Variants in NELL2 observed in about 807,000 individuals in gnomAD.
NELL2 encodes the protein protein kinase C-binding protein NELL2.
NELL2 carries 41 observed loss-of-function variants against 109.6 expected under a neutral mutation model. The observed-to-expected ratio is 0.37, with a 90% CI of 0.29 to 0.49. The LOEUF (loss-of-function observed/expected upper bound fraction) is 0.49, where lower values mean the gene tolerates loss of function less well. NELL2 is among the 20% of genes least tolerant of loss of function. The pLI is 0.98. For missense variants in NELL2, 900 were observed against 1,008.3 expected, an observed-to-expected ratio of 0.89 and a Z score of 1.45; for synonymous variants, 355 against 344.7, an observed-to-expected ratio of 1.03 and a Z score of -0.33.
intron 9 of NELL2, among the ~76,000 whole-genome samples, chr12:44,759,013 T>A (rs992099353): frequency 3.0e-4 from 46 of 152,164 alleles, no homozygotes; most frequent in Non-Finnish European, 4.4e-4. Context: ...TGATATTACC[T>A]GAAAATGCAT....
intron 12 of NELL2, among the ~76,000 whole-genome samples, chr12:44,681,418 T>TTTA (rs1421123391): frequency 2.0e-5 from 3 of 150,224 alleles, no homozygotes; most frequent in East Asian, 3.9e-4. Flanking sequence ...TTTTATTTTA[T>TTTA]TTATTATTAT....
chr12:44,698,380 T>C (rs1443377417), intron 12 of NELL2, among the ~76,000 whole-genome samples: 1 of 150,728 alleles, frequency 6.6e-6, no homozygotes, highest in Non-Finnish European at 1.5e-5. Flanking sequence ...CCAGGTGACA[T>C]ACAGCCCTGG....
chr12:44,784,967 G>T (rs762931080), intron 3 of NELL2, among the ~76,000 whole-genome samples: 27 of 152,070 alleles, frequency 1.8e-4, no homozygotes, highest in Admixed American at 8.5e-4. Context: ...TTTGAAAACC[G>T]GCACAAGACA....
chr12:44,634,110 G>A (rs1413713229), intron 13 of NELL2, among the ~76,000 whole-genome samples: 1 of 151,968 alleles, frequency 6.6e-6, no homozygotes, highest in Non-Finnish European at 1.5e-5. Context: ...AAATTGTAAA[G>A]GATTTTACAA....
upstream of NELL2, among the ~76,000 whole-genome samples, chr12:44,878,023 G>T (rs149832143): frequency 2.6e-5 from 4 of 152,156 alleles, no homozygotes; most frequent in South Asian, 8.3e-4. Context: ...TTTAAATAAC[G>T]TAGCATTTAA....
At chr12:44,863,594 T>C (rs1333576773) in intron 2 of NELL2, among the ~76,000 whole-genome samples, 1 of 152,090 alleles carries the variant, frequency 6.6e-6, no homozygotes, top group Admixed American at 6.5e-5. Flanking sequence ...GATAAAGACT[T>C]TACCAGACAA....
At chr12:44,790,719 C>T (rs548609391) in intron 3 of NELL2, among the ~76,000 whole-genome samples, 6 of 151,754 alleles carry the variant, frequency 4.0e-5, no homozygotes, top group African/African-American at 1.4e-4. Flanking sequence ...GATACAGAAC[C>T]GTAGAATGGA....
intron 13 of NELL2, among the ~76,000 whole-genome samples, chr12:44,657,867 T>C (rs753260037): frequency 3.3e-5 from 5 of 152,248 alleles, no homozygotes; most frequent in South Asian, 2.1e-4. Flanking sequence ...ATTTTCTTTA[T>C]CCAGTCTATC....
At chr12:44,688,125 G>A (rs190833952) in intron 12 of NELL2, among the ~76,000 whole-genome samples, 177 of 152,206 alleles carry the variant, frequency 1.2e-3, no homozygotes, top group African/African-American at 4.1e-3. Flanking sequence ...TTCAAAATGA[G>A]AACAAATTAC....
chr12:44,869,889 C>G (rs1945114760), intron 2 of NELL2, among the ~76,000 whole-genome samples: 1 of 152,084 alleles, frequency 6.6e-6, no homozygotes, highest in Admixed American at 6.6e-5. Flanking sequence ...ATGTTTTGCT[C>G]AACAATTATT....
chr12:44,887,754 T>C (rs904382801), intron 1 of NELL2, among the ~76,000 whole-genome samples: 2 of 151,994 alleles, frequency 1.3e-5, no homozygotes, highest in Non-Finnish European at 2.9e-5. Flanking sequence ...GTGGGTACTT[T>C]GCAAATATTT....
chr12:44,699,278 G>C (rs1377684899), intron 12 of NELL2, among the ~76,000 whole-genome samples: 1 of 152,042 alleles, frequency 6.6e-6, no homozygotes. Flanking sequence ...AATGTGATAA[G>C]CATGCAGTTA....
At chr12:44,643,203 G>C (rs1335620313) in intron 13 of NELL2, among the ~76,000 whole-genome samples, 1 of 152,132 alleles carries the variant, frequency 6.6e-6, no homozygotes, top group Non-Finnish European at 1.5e-5. Context: ...GATTACAAAA[G>C]TCCTATACCA....
At chr12:44,534,459 G>A (rs558851348) in intron 15 of NELL2, among the ~76,000 whole-genome samples, 1 of 152,094 alleles carries the variant, frequency 6.6e-6, no homozygotes, top group South Asian at 2.1e-4. Flanking sequence ...TGACCAAATC[G>A]GCTAACCACT....
chr12:44,872,155 C>G (rs1358334744), intron 2 of NELL2, among the ~76,000 whole-genome samples: 1 of 152,004 alleles, frequency 6.6e-6, no homozygotes, highest in Non-Finnish European at 1.5e-5. Flanking sequence ...CCTTTATAAC[C>G]TTTCATAGGT....
chr12:44,523,195 T>A, intron 17 of NELL2, 96 bp downstream of exon 17: 1 of 1,162,288 alleles, frequency 8.6e-7, no homozygotes, highest in Non-Finnish European at 1.3e-6. Flanking sequence ...TAAGTGGATG[T>A]ACACATTGTC....
chr12:44,638,801 G>A (rs1288388169), intron 13 of NELL2, among the ~76,000 whole-genome samples: 4 of 152,154 alleles, frequency 2.6e-5, no homozygotes, highest in Non-Finnish European at 5.9e-5. Flanking sequence ...CAGGCCAAAT[G>A]GATGCTCATT....
rs73279135 is a variant in NELL2 at position 44,832,836 on chromosome 12, T to C, written c.185-16700A>G. On this transcript the variant is annotated intron_variant, in intron 2 of 19. Coordinates refer to ENST00000429094, the MANE Select transcript of NELL2 (RefSeq NM_001145108.2). ...AACTGGCAGGTCTGCATGAGGACTGTAGCTCTATGAAAAGAACTTAGTCCT... is the reference window on the plus strand; with the variant it reads ...AACTGGCAGGTCTGCATGAGGACTGCAGCTCTATGAAAAGAACTTAGTCCT... 8.2e-3 allele frequency among the ~76,000 whole-genome samples: 1,249 copies of C among 152,346 alleles called. 16 individuals are homozygous for C. Among genetic ancestry groups the C allele is most frequent in the African/African-American group, 0.028 (1,167 of 41,564 alleles).
intron 2 of NELL2, among the ~76,000 whole-genome samples, chr12:44,825,391 C>CTTTTTTT (rs34266446): frequency 1.2e-4 from 10 of 83,618 alleles, no homozygotes; most frequent in African/African-American, 1.5e-4. Flanking sequence ...TATTCATTTC[C>CTTTTTTT]TTTTTTTTTT....
Sources: gnomAD v4.1 joint callset for allele counts (sites outside exome capture counted in the v4.1 genomes callset) on GRCh38, gnomAD v4.1.1 for gene constraint, MANE v1.5 for transcripts, NCBI Gene and HGNC (gene_info 2026-07-23, HGNC 2026-07-21) for gene names.